Variants in DMPK observed in about 807,000 individuals in gnomAD.
DMPK encodes myotonin-protein kinase.
In DMPK, 32 loss-of-function variants were observed where a neutral mutation model predicts 70.3. That is an observed-to-expected ratio of 0.46 (90% CI 0.34 to 0.61). The LOEUF (loss-of-function observed/expected upper bound fraction) is 0.61. Among genes scored for constraint, DMPK ranks in the 20% least tolerant of loss-of-function variants. The probability of loss-of-function intolerance (pLI) is 0.01; values close to 1 mark genes in which losing one functional copy is unlikely to be tolerated. For synonymous variants in DMPK, 469 were observed against 390.9 expected (o/e 1.20, Z -2.36); for missense variants, 899 against 886.0 (o/e 1.01, Z -0.19).
chr19:45,771,253 G>A (rs547657762), intron 13 of DMPK, 97 bp downstream of exon 13: 26 of 1,480,044 alleles, frequency 1.8e-5, no homozygotes, highest in Non-Finnish European at 2.1e-5. Flanking sequence ...CAAAGACGTA[G>A]GGTGAGCCCT....
chr19:45,771,144 G>T (rs1324845663), intron 13 of DMPK, 84 bp from the exon 14 acceptor site: 1 of 1,241,022 alleles, frequency 8.1e-7, no homozygotes, highest in South Asian at 1.4e-5. Flanking sequence ...GGGAATCGAG[G>T]TTGGGGAGGT....
At chr19:45,770,762 C>CT in intron 14 of DMPK, 122 bp from the exon 15 acceptor site, 3 of 1,227,658 alleles carry the variant, frequency 2.4e-6, no homozygotes, top group Non-Finnish European at 2.2e-6. Flanking sequence ...GCCCCAACAG[C>CT]CTACAGCTGT....
rs779881601 is a variant in DMPK at position 45,770,679 on chromosome 19, T to C, written c.1738-39A>G. 59 of 1,542,424 alleles carry C rather than the reference T, an allele frequency of 3.8e-5. 2 individuals carry two copies. The South Asian group carries it at 6.5e-4, about 17-fold the overall frequency. On this transcript the variant is annotated intron_variant, in intron 14 of 14. Transcript: ENST00000291270. ...GCGAGGTCAACACCCGGCATGGGCCTCTGATTGGCTCCTGGGACTCGCCCC... is the reference window on the plus strand; with the variant it reads ...GCGAGGTCAACACCCGGCATGGGCCCCTGATTGGCTCCTGGGACTCGCCCC...
chr19:45,781,580 A>G (rs1223701544), intron 1 of DMPK, among the ~76,000 whole-genome samples: 2 of 152,314 alleles, frequency 1.3e-5, no homozygotes, highest in South Asian at 2.1e-4. Context: ...AGACACACCC[A>G]GAAGAACCCA....
In DMPK at chr19:45,782,332, C is replaced by A; in HGVS notation, c.21G>T (p.Leu7=). 6.3e-7 allele frequency: 1 copy of A among 1,581,988 alleles called. No homozygotes were observed. The highest frequency in any genetic ancestry group is 1.3e-5 in the African/African-American group (1 of 74,300). Residue 7 remains leucine, a synonymous_variant, in exon 1 of 15, where the codon CTG becomes CTT. Coordinates refer to ENST00000291270, the MANE Select transcript of DMPK (RefSeq NM_004409.5). The part of the protein sequence containing the change: MSAEVR[L]RRLQQLVLDP... Reference sequence around the variant, plus strand: ...CCAACACCAGCTGCTGGAGCCGCCTCAGCCGCACCTCGGCTGACATGTTGG... The same window carrying A: ...CCAACACCAGCTGCTGGAGCCGCCTAAGCCGCACCTCGGCTGACATGTTGG...
intron 6 of DMPK, 111 bp downstream of exon 6, chr19:45,778,016 C>T (rs1046633097): frequency 9.0e-6 from 11 of 1,225,860 alleles, no homozygotes; most frequent in African/African-American, 3.0e-5. Flanking sequence ...ACACTTAAGC[C>T]TGGGTCACAC....
intron 4 of DMPK, chr19:45,778,935 A>C (rs1227481831): frequency 3.5e-6 from 2 of 569,112 alleles, no homozygotes; most frequent in Non-Finnish European, 6.3e-6. Context: ...ACACCCAGAG[A>C]ATAGGTCCCA....
intron 1 of DMPK, chr19:45,780,158 A>G: frequency 7.0e-7 from 1 of 1,436,012 alleles, no homozygotes; most frequent in East Asian, 2.5e-5. Context: ...CGGAGTCTGC[A>G]GAAGGACAGA....
intron 10 of DMPK, 102 bp from the exon 11 acceptor site, chr19:45,772,030 C>A (rs1016132840): frequency 7.1e-7 from 1 of 1,398,700 alleles, no homozygotes; most frequent in Admixed American, 2.8e-5. Context: ...CCCTACTCCT[C>A]CGTCCCCTCA....
chr19:45,774,854 G>C, intron 9 of DMPK, 95 bp downstream of exon 9: 2 of 989,534 alleles, frequency 2.0e-6, no homozygotes, highest in South Asian at 1.3e-5. Context: ...AAGGTTCCAA[G>C]ACTGATCCTG....
In DMPK at chr19:45,772,623, TC is replaced by T; in HGVS notation, c.1344+17del. 6.6e-7 allele frequency: 1 copy of T among 1,515,262 alleles called. No homozygotes were observed. Among genetic ancestry groups the T allele is most frequent in the Non-Finnish European group, 8.9e-7 (1 of 1,124,196 alleles). 93.9% of individuals were successfully genotyped at this position (1,515,262 alleles called of 1,614,324 possible). A position where few individuals can be genotyped will look rare whatever the true frequency, so the allele number is the denominator to read the frequency against. ...TCCCAATTGTCCCTGACGGACCCCC[TC>T]CCCTCCACCAACTTACTGTTTCATC... On this transcript the variant is annotated intron_variant, in intron 10 of 14. Coordinates refer to ENST00000291270, the MANE Select transcript of DMPK (RefSeq NM_004409.5).
intron 14 of DMPK, 104 bp from the exon 15 acceptor site, chr19:45,770,744 C>T: frequency 3.0e-6 from 4 of 1,320,604 alleles, no homozygotes; most frequent in Non-Finnish European, 3.1e-6. Context: ...TCCCTGCGCC[C>T]CGCCCCCGCC....
chr19:45,779,737 C>T (rs1483885249), intron 2 of DMPK, 41 bp downstream of exon 2: 1 of 1,535,970 alleles, frequency 6.5e-7, no homozygotes, highest in Non-Finnish European at 8.8e-7. Flanking sequence ...TATGCCCCGC[C>T]CACCACGAGT....
intron 1 of DMPK, chr19:45,780,624 G>A (rs1212982494): frequency 9.9e-7 from 1 of 1,009,248 alleles, no homozygotes; most frequent in Non-Finnish European, 1.2e-6. Context: ...TGGGGACAGG[G>A]AGGCCTGGAC....
At chr19:45,776,972 G>C in intron 8 of DMPK, 1 of 243,470 alleles carries the variant, frequency 4.1e-6, no homozygotes, top group South Asian at 1.1e-4. Flanking sequence ...GACGGCCTAA[G>C]GGAGGAGGAG....
At position 45,777,430 on chromosome 19, in the gene DMPK, C is replaced by G; in HGVS notation, c.1043G>C (p.Arg348Pro). 5 of 1,613,518 alleles carry G rather than the reference C, an allele frequency of 3.1e-6. No individual in the cohort carries two copies. Among genetic ancestry groups the G allele is most frequent in the Non-Finnish European group, 4.2e-6 (5 of 1,180,014 alleles). Residue 348 changes from arginine (R) to proline (P), a missense_variant, in exon 8 of 15, where the codon CGG becomes CCG. This residue lies in a region of DMPK where 555 missense variants were observed against 483.8 expected (regional missense o/e 1.15). Transcript: ENST00000291270. This position sits in a 1 kb window ranked among gnomAD's most constrained non-coding sequence, Gnocchi z 6.7. ...CGGTGTAAAGGGGGGCACGCTGTCCCGGAGACCATCCCAGTCGAGGCCAAA... is the reference window on the plus strand; with the variant it reads ...CGGTGTAAAGGGGGGCACGCTGTCCGGGAGACCATCCCAGTCGAGGCCAAA... ...FFFGLDWDGL[R>P]DSVPPFTPDF...
chr19:45,779,555 G>A (rs750794715), intron 2 of DMPK, 33 bp from the exon 3 acceptor site: 50 of 1,612,390 alleles, frequency 3.1e-5, no homozygotes, highest in Middle Eastern at 1.7e-4. Flanking sequence ...GAGTGGAGAC[G>A]GCGGGAAAAC....
intron 3 of DMPK, 23 bp downstream of exon 3, chr19:45,779,416 C>G (rs1213783260): frequency 7.4e-6 from 12 of 1,613,880 alleles, no homozygotes; most frequent in Non-Finnish European, 1.0e-5. Context: ...CTCAAAGCCC[C>G]CCACGTCCGC....
chr19:45,781,519 C>T (rs868134952), intron 1 of DMPK, among the ~76,000 whole-genome samples: 37 of 151,388 alleles, frequency 2.4e-4, no homozygotes, highest in Non-Finnish European at 5.0e-4. Flanking sequence ...TCATAGGAAC[C>T]GAGACTTTGG....
Sources: gnomAD v4.1 joint callset for allele counts (sites outside exome capture counted in the v4.1 genomes callset) on GRCh38, gnomAD v4.1.1 for gene constraint, gnomAD v4.1.1 regional missense constraint, Gnocchi (gnomAD v3.1) non-coding constraint, MANE v1.5 for transcripts, NCBI Gene and HGNC (gene_info 2026-07-23, HGNC 2026-07-21) for gene names.